The following CLSTN2 variants were observed in gnomAD, a reference collection of about 807,000 sequenced individuals.
The protein encoded by CLSTN2 is calsyntenin-2.
CLSTN2 carries 48 observed loss-of-function variants against 101.2 expected under a neutral mutation model. That is an observed-to-expected ratio of 0.47 (90% CI 0.38 to 0.60). The LOEUF (loss-of-function observed/expected upper bound fraction) is 0.60. Ranked by LOEUF, CLSTN2 falls within the 20% of genes least tolerant of loss-of-function variation. The probability of loss-of-function intolerance (pLI) is 0.00; values close to 1 mark genes in which losing one functional copy is unlikely to be tolerated. For synonymous variants in CLSTN2, 481 were observed against 463.6 expected (o/e 1.04, Z -0.48); for missense variants, 1,160 against 1,238.2 (o/e 0.94, Z 0.95).
chr3:139,944,577 A>T (rs1440496373), intron 1 of CLSTN2, among the ~76,000 whole-genome samples: 1 of 152,210 alleles, frequency 6.6e-6, no homozygotes, highest in Non-Finnish European at 1.5e-5. Flanking sequence ...CCTGTCTCCC[A>T]GGGTGGCTGT....
At chr3:140,139,480 A>C (rs141213611) in intron 1 of CLSTN2, among the ~76,000 whole-genome samples, 1 of 152,170 alleles carries the variant, frequency 6.6e-6, no homozygotes, top group Non-Finnish European at 1.5e-5. Context: ...CTTGGGCTGC[A>C]TATTGGAATC....
chr3:140,428,567 T>C (rs1171069560), intron 5 of CLSTN2, among the ~76,000 whole-genome samples: 4 of 152,140 alleles, frequency 2.6e-5, no homozygotes, highest in Admixed American at 2.0e-4. Context: ...AAGGAGCCCT[T>C]CTTTGTCTGC....
intron 1 of CLSTN2, among the ~76,000 whole-genome samples, chr3:140,049,191 G>A (rs960706727): frequency 2.2e-4 from 33 of 152,322 alleles, no homozygotes; most frequent in African/African-American, 7.7e-4. Context: ...GCTCTGGAGT[G>A]GAATAAATCA....
intron 8 of CLSTN2, among the ~76,000 whole-genome samples, chr3:140,494,867 T>C (rs1459002285): frequency 6.6e-6 from 1 of 152,230 alleles, no homozygotes; most frequent in Non-Finnish European, 1.5e-5. Flanking sequence ...CTATCATTGA[T>C]GGACATTTGG....
chr3:140,563,264 C>T, intron 15 of CLSTN2, 61 bp downstream of exon 15: 4 of 1,569,532 alleles, frequency 2.5e-6, no homozygotes, highest in Non-Finnish European at 3.5e-6. Context: ...TCAAGATTAT[C>T]TACTCAACAG....
rs562506335 is a variant in CLSTN2 at position 140,493,405 on chromosome 3, T to C, written c.1344+26674T>C. Among the ~76,000 whole-genome samples the C allele has an allele frequency of 5.3e-5, 8 of 152,310 alleles. No individual in the cohort carries two copies. The East Asian group carries it at 1.5e-3, about 29-fold the overall frequency. On this transcript the variant is annotated intron_variant, in intron 8 of 16. Transcript: ENST00000458420. The stretch of plus-strand genomic sequence containing the variant: ...ATAGTCAAGAATCATTTACAGGCAA[T>C]ATAGGGTCTCTTTGGAATCTCAGTC...
At chr3:140,062,045 A>T (rs1164623696) in intron 1 of CLSTN2, among the ~76,000 whole-genome samples, 2 of 152,168 alleles carry the variant, frequency 1.3e-5, no homozygotes, top group Non-Finnish European at 2.9e-5. Context: ...ATTAATATTA[A>T]TAGTGGTAGT....
Position 140,549,415 on chromosome 3 carries a change from T to C in CLSTN2, c.1674+2734T>C, listed in dbSNP as rs1287031079. ...AGGATACTGAAACTTTTTATAACCT[T>C]TTTATAACCAAGCCACTGCAAATGA... On this transcript the variant is annotated intron_variant, in intron 10 of 16. Transcript: ENST00000458420. Among the ~76,000 whole-genome samples, 2 of 151,576 alleles carry C rather than the reference T, an allele frequency of 1.3e-5. 1 individual carries two copies. Among genetic ancestry groups the C allele is most frequent in the East Asian group, 4.0e-4 (2 of 5,062 alleles).
chr3:140,547,529 G>T (rs1935619909), intron 10 of CLSTN2, among the ~76,000 whole-genome samples: 1 of 152,130 alleles, frequency 6.6e-6, no homozygotes, highest in Non-Finnish European at 1.5e-5. Context: ...AACAGTTCAT[G>T]ATTTGTATTG....
chr3:140,028,978 A>C (rs1234155574), intron 1 of CLSTN2, among the ~76,000 whole-genome samples: 2 of 152,104 alleles, frequency 1.3e-5, no homozygotes, highest in East Asian at 1.9e-4. Flanking sequence ...CTGCAAAGTG[A>C]ATGGTGAAGG....
At chr3:140,290,447 T>C (rs1463221030) in intron 2 of CLSTN2, among the ~76,000 whole-genome samples, 2 of 152,094 alleles carry the variant, frequency 1.3e-5, no homozygotes, top group African/African-American at 4.8e-5. Flanking sequence ...GGAAGACCAA[T>C]GCATGCCTCT....
intron 2 of CLSTN2, among the ~76,000 whole-genome samples, chr3:140,363,853 G>C (rs1183963992): frequency 2.0e-5 from 3 of 152,214 alleles, no homozygotes; most frequent in Non-Finnish European, 2.9e-5. Context: ...AGGAGACCAA[G>C]TGGGTTACTC....
At chr3:140,337,753 G>T (rs1464134875) in intron 2 of CLSTN2, among the ~76,000 whole-genome samples, 2 of 152,194 alleles carry the variant, frequency 1.3e-5, no homozygotes, top group African/African-American at 2.4e-5. Flanking sequence ...CTCTGCAGGG[G>T]TGTCATGGAA....
chr3:140,107,000 T>A (rs927648516), intron 1 of CLSTN2, among the ~76,000 whole-genome samples: 2 of 152,214 alleles, frequency 1.3e-5, no homozygotes, highest in African/African-American at 4.8e-5. Flanking sequence ...TGTCCTTTTT[T>A]AATGCAATTT....
intron 1 of CLSTN2, among the ~76,000 whole-genome samples, chr3:139,955,403 G>C (rs1003534637): frequency 6.6e-6 from 1 of 151,984 alleles, no homozygotes. Flanking sequence ...ACAAGAGGCT[G>C]GTGTTTAGGT....
intron 2 of CLSTN2, among the ~76,000 whole-genome samples, chr3:140,285,337 T>G (rs777894776): frequency 6.6e-6 from 1 of 152,110 alleles, no homozygotes; most frequent in Non-Finnish European, 1.5e-5. Flanking sequence ...ATTGGGGAGT[T>G]GGAAGATGGT....
At chr3:140,379,194 T>C (rs1261095692) in intron 2 of CLSTN2, among the ~76,000 whole-genome samples, 1 of 152,246 alleles carries the variant, frequency 6.6e-6, no homozygotes, top group East Asian at 1.9e-4. Flanking sequence ...TGCTGCTGAG[T>C]GTTTGCCAGC....
chr3:140,475,430 C>T (rs1013554340), intron 8 of CLSTN2, among the ~76,000 whole-genome samples: 1 of 152,158 alleles, frequency 6.6e-6, no homozygotes, highest in African/African-American at 2.4e-5. Context: ...TGAGCCATTT[C>T]CTTGAAGAGC....
intron 1 of CLSTN2, among the ~76,000 whole-genome samples, chr3:140,154,848 G>A (rs928566337): frequency 6.6e-6 from 1 of 151,956 alleles, no homozygotes; most frequent in Non-Finnish European, 1.5e-5. Flanking sequence ...ATTTCACCGT[G>A]TTAGCCAGGA....
Sources: allele counts gnomAD v4.1 joint callset (sites outside exome capture counted in the v4.1 genomes callset), GRCh38; gene constraint gnomAD v4.1.1; transcripts MANE v1.5; gene names NCBI Gene and HGNC (gene_info 2026-07-23, HGNC 2026-07-21).